OXR1: variants seen among roughly 807,000 people sequenced by gnomAD.
OXR1 encodes oxidation resistance protein 1.
A neutral mutation model predicts 104.6 loss-of-function variants in OXR1; 41 were observed. The observed-to-expected ratio is 0.39, with a 90% CI of 0.31 to 0.51. The LOEUF (loss-of-function observed/expected upper bound fraction) is 0.51. Among genes scored for constraint, OXR1 ranks in the 20% least tolerant of loss-of-function variants. The probability of loss-of-function intolerance (pLI) is 0.77; values close to 1 mark genes in which losing one functional copy is unlikely to be tolerated. For synonymous variants in OXR1, 348 were observed against 348.4 expected (o/e 1.00, Z 0.01); for missense variants, 955 against 1,031.9 (o/e 0.93, Z 1.02).
At chr8:106,397,184 A>G (rs1209227894) in intron 2 of OXR1, among the ~76,000 whole-genome samples, 1 of 152,096 alleles carries the variant, frequency 6.6e-6, no homozygotes, top group Non-Finnish European at 1.5e-5. Context: ...TTGTTGCACC[A>G]TTTAAGTTTT....
intron 2 of OXR1, among the ~76,000 whole-genome samples, chr8:106,463,268 T>G (rs1022525888): frequency 2.6e-5 from 4 of 151,998 alleles, no homozygotes; most frequent in African/African-American, 9.7e-5. Flanking sequence ...CTAAGTGGAG[T>G]TAGGAAGAGA....
At chr8:106,671,237 A>C (rs1826947029) in intron 3 of OXR1, among the ~76,000 whole-genome samples, 2 of 152,134 alleles carry the variant, frequency 1.3e-5, no homozygotes, top group South Asian at 2.1e-4. Flanking sequence ...AGACACAGTA[A>C]AAACTAAAAA....
At chr8:106,466,060 A>T (rs890583378) in intron 2 of OXR1, among the ~76,000 whole-genome samples, 2 of 151,996 alleles carry the variant, frequency 1.3e-5, no homozygotes, top group Non-Finnish European at 2.9e-5. Flanking sequence ...TATACCTTGT[A>T]TAAACTTCTA....
chr8:106,275,760 G>T (rs1812011661), intron 1 of OXR1, among the ~76,000 whole-genome samples: 1 of 152,016 alleles, frequency 6.6e-6, no homozygotes, highest in Non-Finnish European at 1.5e-5. Context: ...ACCTTATGTT[G>T]TTCTTGTTGA....
chr8:106,382,636 G>A (rs970627825), intron 2 of OXR1, among the ~76,000 whole-genome samples: 14 of 148,358 alleles, frequency 9.4e-5, no homozygotes, highest in South Asian at 2.1e-4. Context: ...CCGGCAATCC[G>A]GTATTTTCTT....
At chr8:106,646,673 A>C (rs1176151185) in intron 3 of OXR1, among the ~76,000 whole-genome samples, 1 of 152,184 alleles carries the variant, frequency 6.6e-6, no homozygotes, top group East Asian at 1.9e-4. Flanking sequence ...CAGAAAGATA[A>C]AAAGACAGAG....
chr8:106,452,176 A>G (rs1255360132), intron 2 of OXR1, among the ~76,000 whole-genome samples: 1 of 152,206 alleles, frequency 6.6e-6, no homozygotes, highest in African/African-American at 2.4e-5. Flanking sequence ...TCAATGGTAA[A>G]TTAAATATGA....
intron 2 of OXR1, among the ~76,000 whole-genome samples, chr8:106,485,106 A>G (rs1028343911): frequency 1.3e-5 from 2 of 152,054 alleles, no homozygotes; most frequent in Admixed American, 1.3e-4. Context: ...ACTATATGAC[A>G]TTTGAAAAAG....
intron 1 of OXR1, among the ~76,000 whole-genome samples, chr8:106,322,569 C>A (rs1814272201): frequency 6.6e-6 from 1 of 152,100 alleles, no homozygotes; most frequent in South Asian, 2.1e-4. Flanking sequence ...TAAAGGGCAT[C>A]CAAATAGGAA....
At chr8:106,322,757 G>A (rs758295970) in intron 1 of OXR1, among the ~76,000 whole-genome samples, 24 of 152,026 alleles carry the variant, frequency 1.6e-4, no homozygotes, top group African/African-American at 2.7e-4. Context: ...AACTGAGAGC[G>A]AAAGATAGAA....
At chr8:106,433,767 C>G (rs1336192806) in intron 2 of OXR1, among the ~76,000 whole-genome samples, 2 of 152,126 alleles carry the variant, frequency 1.3e-5, no homozygotes, top group Non-Finnish European at 2.9e-5. Context: ...GCTCATTATC[C>G]CACACAGTTT....
intron 2 of OXR1, among the ~76,000 whole-genome samples, chr8:106,402,510 C>T (rs1363015105): frequency 6.6e-6 from 1 of 152,200 alleles, no homozygotes; most frequent in Admixed American, 6.5e-5. Flanking sequence ...ACTGGACCCA[C>T]TGTGAGACGT....
At chr8:106,592,380 G>A (rs1402734791) in intron 3 of OXR1, among the ~76,000 whole-genome samples, 2 of 152,206 alleles carry the variant, frequency 1.3e-5, no homozygotes, top group Non-Finnish European at 2.9e-5. Flanking sequence ...TCAAGGCACT[G>A]TTCCCAGTGC....
intron 2 of OXR1, among the ~76,000 whole-genome samples, chr8:106,454,417 C>T (rs1317419363): frequency 3.4e-5 from 5 of 148,966 alleles, no homozygotes; most frequent in Non-Finnish European, 5.9e-5. Context: ...GCCAAGATGG[C>T]GCCACTGCAC....
intron 1 of OXR1, among the ~76,000 whole-genome samples, chr8:106,284,580 T>C (rs1312090986): frequency 6.6e-6 from 1 of 152,184 alleles, no homozygotes; most frequent in African/African-American, 2.4e-5. Flanking sequence ...GTCTTCTATT[T>C]AAACATAATG....
At chr8:106,415,616 C>T (rs1200259074) in intron 2 of OXR1, among the ~76,000 whole-genome samples, 1 of 147,602 alleles carries the variant, frequency 6.8e-6, no homozygotes, top group East Asian at 2.1e-4. Flanking sequence ...TTGCTTCCTT[C>T]TCGGGAACAG....
chr8:106,726,480 T>C (rs1833357697), intron 11 of OXR1, among the ~76,000 whole-genome samples: 1 of 152,184 alleles, frequency 6.6e-6, no homozygotes, highest in African/African-American at 2.4e-5. Context: ...CTGAGTATCT[T>C]CAAAAAGGGA....
At chr8:106,447,708 A>G (rs1820070873) in intron 2 of OXR1, among the ~76,000 whole-genome samples, 1 of 152,224 alleles carries the variant, frequency 6.6e-6, no homozygotes, top group Non-Finnish European at 1.5e-5. Flanking sequence ...TGTAGCATAC[A>G]AAGAAAAATA....
At chr8:106,541,689 G>T (rs887283504) in intron 3 of OXR1, among the ~76,000 whole-genome samples, 2 of 152,206 alleles carry the variant, frequency 1.3e-5, no homozygotes, top group African/African-American at 4.8e-5. Flanking sequence ...CAAGGAAGCA[G>T]TTCCCCAGGG....
Sources: allele counts gnomAD v4.1 joint callset (sites outside exome capture counted in the v4.1 genomes callset), GRCh38; gene constraint gnomAD v4.1.1; transcripts MANE v1.5; gene names NCBI Gene and HGNC (gene_info 2026-07-23, HGNC 2026-07-21).